The following OSBPL10 variants were observed in gnomAD, a reference collection of about 807,000 sequenced individuals.
OSBPL10 encodes oxysterol binding protein like 10.
In OSBPL10, 49 loss-of-function variants were observed where a neutral mutation model predicts 81.7. The ratio of observed to expected loss-of-function variants is 0.60; its 90% CI spans 0.48 to 0.76. The LOEUF (loss-of-function observed/expected upper bound fraction) is 0.76, where lower values mean the gene tolerates loss of function less well. Among genes scored for constraint, OSBPL10 ranks in the 30% least tolerant of loss-of-function variants. The pLI is 0.00. For synonymous variants in OSBPL10, 419 were observed against 383.6 expected (o/e 1.09, Z -1.08); for missense variants, 923 against 987.8 (o/e 0.93, Z 0.88).
intron 1 of OSBPL10, among the ~76,000 whole-genome samples, chr3:31,964,710 C>T (rs1405054871): frequency 6.6e-6 from 1 of 152,290 alleles, no homozygotes; most frequent in East Asian, 1.9e-4. Context: ...AAACAACACC[C>T]TGGCCTGAAA....
At chr3:31,809,869 C>CTTTTTT (rs34795137) in intron 4 of OSBPL10, among the ~76,000 whole-genome samples, 1,359 of 98,334 alleles carry the variant, frequency 0.014, 106 homozygotes, top group African/African-American at 0.052. Flanking sequence ...CCCCCTGACT[C>CTTTTTT]TTTTTTTTTT....
At chr3:31,662,196 T>A in intron 11 of OSBPL10, 80 bp from the exon 12 acceptor site, 1 of 1,603,658 alleles carries the variant, frequency 6.2e-7, no homozygotes, top group Admixed American at 1.7e-5. Context: ...CCGCAGCCAC[T>A]CTGTGTGTCT....
chr3:32,013,448 T>C (rs1304574532), intron 2 of OSBPL10, among the ~76,000 whole-genome samples: 1 of 151,044 alleles, frequency 6.6e-6, no homozygotes, highest in Non-Finnish European at 1.5e-5. Context: ...TAAAGCAGTG[T>C]GTAGAGGGAA....
Position 31,787,431 on chromosome 3 carries a change from C to T in OSBPL10, c.730-39311G>A, listed in dbSNP as rs573892058. Among the ~76,000 whole-genome samples, 83 of 152,098 alleles carry T rather than the reference C, an allele frequency of 5.5e-4. No homozygotes were observed. In the South Asian group the frequency reaches 0.017, roughly 30 times the overall value. ...CCAATATGGTGAAACCTTATCTCTA[C>T]TAAAACTACTAAAATTAGCCAGGCA... On this transcript the variant is annotated intron_variant, in intron 4 of 11. Transcript: ENST00000396556.
At chr3:31,847,211 T>A (rs5027703) in intron 3 of OSBPL10, among the ~76,000 whole-genome samples, 61,671 of 148,532 alleles carry the variant, frequency 0.42, 13,031 homozygotes, top group Admixed American at 0.52. Context: ...TTTTTTTTTT[T>A]AAAAAGACAG....
intron 5 of OSBPL10, among the ~76,000 whole-genome samples, chr3:31,740,628 T>A (rs1697312443): frequency 6.6e-6 from 1 of 151,480 alleles, no homozygotes; most frequent in African/African-American, 2.4e-5. Flanking sequence ...TGAAGCTGGG[T>A]ATGGTGGCAT....
At chr3:31,916,562 C>T (rs1216984155) in intron 1 of OSBPL10, among the ~76,000 whole-genome samples, 1 of 152,150 alleles carries the variant, frequency 6.6e-6, no homozygotes. Flanking sequence ...TCTTTTATCA[C>T]CCACCCCCAC....
intron 1 of OSBPL10, among the ~76,000 whole-genome samples, chr3:32,050,836 T>C (rs1450120055): frequency 6.6e-6 from 1 of 152,056 alleles, no homozygotes; most frequent in Non-Finnish European, 1.5e-5. Flanking sequence ...TAATTTTGTA[T>C]TTTTAGTAGA....
At chr3:31,806,135 A>G (rs1286494793) in intron 4 of OSBPL10, among the ~76,000 whole-genome samples, 1 of 152,096 alleles carries the variant, frequency 6.6e-6, no homozygotes, top group Non-Finnish European at 1.5e-5. Flanking sequence ...TCCACCTATC[A>G]TGCCGTCACA....
intron 6 of OSBPL10, among the ~76,000 whole-genome samples, chr3:31,705,885 A>G (rs1164735462): frequency 2.0e-5 from 3 of 152,190 alleles, no homozygotes; most frequent in Non-Finnish European, 4.4e-5. Context: ...AAACGGTTTC[A>G]TACTGCTGAG....
rs536855647 is a variant in OSBPL10, at chr3:31,776,357, C to T, written c.730-28237G>A. 3.9e-5 allele frequency among the ~76,000 whole-genome samples: 6 copies of T among 152,224 alleles called. No individual in the cohort carries two copies. The South Asian group carries it at 1.0e-3, about 26-fold the overall frequency. Reference sequence around the variant, plus strand: ...TGGAGGAATTGGAACCTTCTTATACCGTTGGTGAGAATGTAAAATGGCACA... The same window carrying T: ...TGGAGGAATTGGAACCTTCTTATACTGTTGGTGAGAATGTAAAATGGCACA... On this transcript the variant is annotated intron_variant, in intron 4 of 11. Coordinates refer to ENST00000396556, the MANE Select transcript of OSBPL10 (RefSeq NM_017784.5).
chr3:31,878,814 CATGT>C (rs60508567), intron 2 of OSBPL10, among the ~76,000 whole-genome samples: 3,738 of 104,798 alleles, frequency 0.036, 127 homozygotes, highest in African/African-American at 0.1. Flanking sequence ...TCTGCGTGTC[CATGT>C]GTGTGTGTGT....
intron 4 of OSBPL10, among the ~76,000 whole-genome samples, chr3:31,825,769 A>G (rs976935473): frequency 5.3e-5 from 8 of 152,234 alleles, no homozygotes; most frequent in Non-Finnish European, 1.0e-4. Flanking sequence ...AAATAGCAAT[A>G]CTATGTTACT....
intron 1 of OSBPL10, among the ~76,000 whole-genome samples, chr3:31,881,666 A>G (rs993028758): frequency 3.3e-5 from 5 of 152,230 alleles, no homozygotes; most frequent in Admixed American, 2.6e-4. Flanking sequence ...TTAAGAAACT[A>G]AAATATTTTT....
At chr3:31,825,814 T>C (rs1700086775) in intron 4 of OSBPL10, among the ~76,000 whole-genome samples, 1 of 152,202 alleles carries the variant, frequency 6.6e-6, no homozygotes, top group Non-Finnish European at 1.5e-5. Context: ...CGTTTGCAAG[T>C]AAAATCCAAA....
intron 2 of OSBPL10, among the ~76,000 whole-genome samples, chr3:32,017,987 A>C (rs1241844999): frequency 6.6e-6 from 1 of 151,972 alleles, no homozygotes; most frequent in Non-Finnish European, 1.5e-5. Context: ...CGTCTCTACT[A>C]AAAATACAAA....
At chr3:31,796,665 C>CT (rs1699220705) in intron 4 of OSBPL10, among the ~76,000 whole-genome samples, 1 of 152,204 alleles carries the variant, frequency 6.6e-6, no homozygotes. Context: ...ATTTTAGCAG[C>CT]ATCCACGGCC....
In OSBPL10 at chr3:31,937,812, T is replaced by G. The variant is rs549145570; in HGVS notation, c.281+43087A>C. On this transcript the variant is annotated intron_variant, in intron 1 of 11. Coordinates refer to ENST00000396556, the MANE Select transcript of OSBPL10 (RefSeq NM_017784.5). ...TTTCCAATATAAGACTCCTCCACTC[T>G]TGGGTAAAATTTACCTCCATGTCTC... is the stretch of plus-strand genomic sequence containing the variant. 2.0e-5 allele frequency among the ~76,000 whole-genome samples: 3 copies of G among 152,324 alleles called. No homozygotes were observed. In the South Asian group the frequency reaches 6.2e-4, roughly 32 times the overall value.
chr3:31,767,255 T>C (rs139362899), intron 4 of OSBPL10, among the ~76,000 whole-genome samples: 57 of 152,318 alleles, frequency 3.7e-4, no homozygotes, highest in African/African-American at 1.3e-3. Flanking sequence ...CCTCTGTTCA[T>C]GGGAATAAGT....
Sources: gnomAD v4.1 joint callset for allele counts (sites outside exome capture counted in the v4.1 genomes callset) on GRCh38, gnomAD v4.1.1 for gene constraint, MANE v1.5 for transcripts, NCBI Gene and HGNC (gene_info 2026-07-23, HGNC 2026-07-21) for gene names.